The following GPR158 variants were observed in gnomAD, a reference collection of about 807,000 sequenced individuals.
GPR158 encodes metabotropic glycine receptor.
A neutral mutation model predicts 78.2 loss-of-function variants in GPR158; 30 were observed. That is an observed-to-expected ratio of 0.38 (90% CI 0.29 to 0.52). GPR158 has a LOEUF of 0.52. GPR158 is among the 20% of genes least tolerant of loss of function. The probability of loss-of-function intolerance (pLI) is 0.83; values close to 1 mark genes in which losing one functional copy is unlikely to be tolerated. For missense variants in GPR158, 1,463 were observed against 1,523.5 expected, an observed-to-expected ratio of 0.96 and a Z score of 0.66; for synonymous variants, 581 against 591.1, an observed-to-expected ratio of 0.98 and a Z score of 0.25.
intron 3 of GPR158, among the ~76,000 whole-genome samples, chr10:25,405,631 G>A (rs1451978918): frequency 6.2e-5 from 9 of 145,988 alleles, no homozygotes; most frequent in South Asian, 4.4e-4. Context: ...CCAGATCTTA[G>A]AGTATCCCAC....
chr10:25,371,831 G>A (rs1208548062), intron 2 of GPR158, among the ~76,000 whole-genome samples: 12 of 132,186 alleles, frequency 9.1e-5, no homozygotes, highest in South Asian at 2.6e-4. Context: ...AAAAGCAATG[G>A]CAACAAAAGC....
chr10:25,386,195 C>A (rs1773616), intron 2 of GPR158, among the ~76,000 whole-genome samples: 98,081 of 152,052 alleles, frequency 0.65, 32,600 homozygotes, highest in Non-Finnish European at 0.73. Flanking sequence ...TTTCCAAATA[C>A]CACCTGTTGA....
chr10:25,551,022 T>A lies in GPR158; in HGVS notation c.1451T>A (p.Leu484Gln), dbSNP rs2130712448. ...FEPSTFRCIL[L>Q]RWARLLGFAT... ...CCAAGCACATTTCGCTGTATTCTCC[T>A]AAGATGGGCTCGTCTTCTCGGTTTT... The change falls in exon 6 of 11, where the codon CTA (leucine) becomes CAA (glutamine). Residue 484 changes from leucine to glutamine, a missense_variant. Physicochemically the swap from Leu to Gln is moderately radical, Grantham distance 113. Coordinates refer to ENST00000376351, the MANE Select transcript of GPR158 (RefSeq NM_020752.3). 1 of 1,611,394 alleles carries A rather than the reference T, an allele frequency of 6.2e-7. No homozygotes were observed. Among genetic ancestry groups the A allele is most frequent in the Admixed American group, 1.7e-5 (1 of 59,988 alleles).
At chr10:25,538,647 C>G (rs1239073765) in intron 5 of GPR158, among the ~76,000 whole-genome samples, 1 of 152,188 alleles carries the variant, frequency 6.6e-6, no homozygotes, top group African/African-American at 2.4e-5. Context: ...GCAGCTGGGA[C>G]TGCAGGCATG....
intron 1 of GPR158, among the ~76,000 whole-genome samples, chr10:25,193,544 G>A (rs990924432): frequency 1.3e-5 from 2 of 152,194 alleles, no homozygotes; most frequent in Non-Finnish European, 2.9e-5. Context: ...AAGATGAGAG[G>A]AAGGCGTGCA....
intron 2 of GPR158, among the ~76,000 whole-genome samples, chr10:25,250,884 C>A (rs1052551049): frequency 6.6e-6 from 1 of 151,374 alleles, no homozygotes; most frequent in African/African-American, 2.4e-5. Flanking sequence ...CTTTCTGTCT[C>A]GTTGATCTGT....
At chr10:25,478,515 T>TA (rs1259432904) in intron 5 of GPR158, among the ~76,000 whole-genome samples, 3 of 151,518 alleles carry the variant, frequency 2.0e-5, no homozygotes, top group African/African-American at 7.3e-5. Context: ...TGTGTGTGTG[T>TA]GTGTGTGTGT....
At chr10:25,324,831 C>CTTTCTTTCTTTCTT (rs746272253) in intron 2 of GPR158, among the ~76,000 whole-genome samples, 15 of 125,378 alleles carry the variant, frequency 1.2e-4, no homozygotes, top group African/African-American at 4.6e-4. Flanking sequence ...TTTTTTCTTT[C>CTTTCTTTCTTTCTT]TTTTTTTTTT....
intron 2 of GPR158, among the ~76,000 whole-genome samples, chr10:25,382,242 G>A (rs1834165045): frequency 6.6e-6 from 1 of 152,156 alleles, no homozygotes; most frequent in South Asian, 2.1e-4. Flanking sequence ...TCGGCGAGAT[G>A]TAATTCTGAC....
At chr10:25,542,673 A>G (rs1031251761) in intron 5 of GPR158, among the ~76,000 whole-genome samples, 3 of 151,712 alleles carry the variant, frequency 2.0e-5, no homozygotes, top group African/African-American at 7.3e-5. Flanking sequence ...AAATACAACA[A>G]ATTAGCTGGG....
At chr10:25,469,066 T>G (rs1360724698) in intron 5 of GPR158, among the ~76,000 whole-genome samples, 4 of 152,174 alleles carry the variant, frequency 2.6e-5, no homozygotes, top group Admixed American at 2.6e-4. Flanking sequence ...GTTTTTGTCT[T>G]ACTTCACTCC....
chr10:25,323,485 T>C (rs552169890), intron 2 of GPR158, among the ~76,000 whole-genome samples: 15 of 152,154 alleles, frequency 9.9e-5, no homozygotes, highest in African/African-American at 3.6e-4. Flanking sequence ...ACATTGAAGA[T>C]CTGTTCTTTA....
chr10:25,332,522 A>G (rs930914964), intron 2 of GPR158, among the ~76,000 whole-genome samples: 1 of 152,148 alleles, frequency 6.6e-6, no homozygotes, highest in African/African-American at 2.4e-5. Context: ...CACACAACTC[A>G]ACATCTAGGT....
intron 2 of GPR158, among the ~76,000 whole-genome samples, chr10:25,250,900 G>C (rs1384898969): frequency 6.6e-6 from 1 of 151,598 alleles, no homozygotes; most frequent in Non-Finnish European, 1.5e-5. Context: ...TCTGTCTAAT[G>C]TTGACAGTGG....
At position 25,598,522 on chromosome 10, in the gene GPR158, G is replaced by A. The variant is rs1266341719; in HGVS notation, c.2896G>A (p.Glu966Lys). ...CCCCCAAAACTCAAATCCTGCGGAGGAGCCAAGAAAGCCTCAGAAATCTGG... is the reference window on the plus strand; with the variant it reads ...CCCCCAAAACTCAAATCCTGCGGAGAAGCCAAGAAAGCCTCAGAAATCTGG... ...PAPQNSNPAE[E>K]PRKPQKSGIM... The change falls in exon 11 of 11, where the codon GAG becomes AAG. Residue 966 changes from glutamate to lysine, a missense_variant. Transcript: ENST00000376351. 6.2e-7 allele frequency: 1 copy of A among 1,612,952 alleles called. No homozygotes were observed. Among genetic ancestry groups the A allele is most frequent in the Admixed American group, 1.7e-5 (1 of 59,916 alleles).
At chr10:25,303,403 A>T (rs746308123) in intron 2 of GPR158, among the ~76,000 whole-genome samples, 2 of 152,138 alleles carry the variant, frequency 1.3e-5, no homozygotes, top group Non-Finnish European at 2.9e-5. Flanking sequence ...TCTGTCCTTA[A>T]CTTTGTATTA....
At chr10:25,308,914 A>T (rs187226315) in intron 2 of GPR158, among the ~76,000 whole-genome samples, 1 of 152,186 alleles carries the variant, frequency 6.6e-6, no homozygotes, top group African/African-American at 2.4e-5. Flanking sequence ...ATAATATTCC[A>T]TTATATGTAT....
intron 5 of GPR158, among the ~76,000 whole-genome samples, chr10:25,496,574 G>A (rs996278155): frequency 6.6e-6 from 1 of 152,236 alleles, no homozygotes; most frequent in African/African-American, 2.4e-5. Flanking sequence ...GGTAAAGGAT[G>A]CTTGGAAGAA....
chr10:25,254,599 A>T (rs1588761017), intron 2 of GPR158, among the ~76,000 whole-genome samples: 1 of 152,178 alleles, frequency 6.6e-6, no homozygotes, highest in South Asian at 2.1e-4. Context: ...AATAAATTCT[A>T]TTTCTAATAA....
Sources: gnomAD v4.1 joint callset for allele counts (sites outside exome capture counted in the v4.1 genomes callset) on GRCh38, gnomAD v4.1.1 for gene constraint, MANE v1.5 for transcripts, NCBI Gene and HGNC (gene_info 2026-07-23, HGNC 2026-07-21) for gene names.